Variants in ESRRG observed in about 807,000 individuals in gnomAD.
ESRRG encodes the protein estrogen-related receptor gamma.
A neutral mutation model predicts 44.0 loss-of-function variants in ESRRG; 13 were observed. That is an observed-to-expected ratio of 0.30 (90% CI 0.19 to 0.47). The LOEUF is 0.47. ESRRG is among the 20% of genes least tolerant of loss of function. The pLI, the probability that ESRRG is intolerant of heterozygous loss-of-function variation, is 1.00. For synonymous variants in ESRRG, 215 were observed against 214.6 expected (o/e 1.00, Z -0.02); for missense variants, 395 against 580.6 (o/e 0.68, Z 3.29).
chr1:216,569,759 C>T (rs1015182451), intron 3 of ESRRG, among the ~76,000 whole-genome samples: 1 of 152,172 alleles, frequency 6.6e-6, no homozygotes, highest in East Asian at 1.9e-4. Context: ...CATATTTTGG[C>T]ATGTCTCAAA....
At chr1:216,975,892 A>T (rs2072773157) in intron 1 of ESRRG, among the ~76,000 whole-genome samples, 1 of 152,188 alleles carries the variant, frequency 6.6e-6, no homozygotes, top group Non-Finnish European at 1.5e-5. Flanking sequence ...ATCCCAGGAC[A>T]AATCATTTTA....
At chr1:216,789,307 C>G (rs2148045964) in intron 2 of ESRRG, among the ~76,000 whole-genome samples, 1 of 152,260 alleles carries the variant, frequency 6.6e-6, no homozygotes, top group Admixed American at 6.5e-5. Flanking sequence ...CCATGCTGAT[C>G]AGTCAGCAGC....
intron 1 of ESRRG, among the ~76,000 whole-genome samples, chr1:217,034,467 G>A (rs1376693670): frequency 6.6e-6 from 1 of 152,044 alleles, no homozygotes; most frequent in African/African-American, 2.4e-5. Context: ...GGTCTAGCTC[G>A]GATAGGCCCG....
intron 1 of ESRRG, among the ~76,000 whole-genome samples, chr1:216,988,923 G>C (rs1413967299): frequency 6.6e-6 from 1 of 152,148 alleles, no homozygotes; most frequent in Non-Finnish European, 1.5e-5. Flanking sequence ...AGTACTTCAA[G>C]TTTTCCAGTC....
intron 1 of ESRRG, among the ~76,000 whole-genome samples, chr1:216,978,182 G>T (rs548742781): frequency 8.5e-5 from 13 of 152,228 alleles, no homozygotes; most frequent in African/African-American, 2.6e-4. Flanking sequence ...ATGACTTCTG[G>T]TGGGCCAAAT....
rs552067133 is a variant in ESRRG at position 216,898,433 on chromosome 1, C to T, written c.-14+41149G>A. 6.6e-5 allele frequency among the ~76,000 whole-genome samples: 10 copies of T among 152,192 alleles called. No individual in the cohort carries two copies. In the South Asian group the frequency reaches 2.1e-3, roughly 32 times the overall value. ...AGGAGCTCGAGACCAGCCTGGCCAA[C>T]ATGGTGAAAACCCATCTCTACTAAA... On this transcript the variant is annotated intron_variant, in intron 2 of 7. Transcript: ENST00000359162.
At chr1:216,812,892 C>A (rs1343486903) in intron 2 of ESRRG, among the ~76,000 whole-genome samples, 2 of 152,152 alleles carry the variant, frequency 1.3e-5, no homozygotes, top group Non-Finnish European at 2.9e-5. Flanking sequence ...TGCCATATAG[C>A]AATGAGGATA....
intron 1 of ESRRG, among the ~76,000 whole-genome samples, chr1:217,061,531 G>A (rs2088499381): frequency 6.6e-6 from 1 of 152,048 alleles, no homozygotes; most frequent in Admixed American, 6.6e-5. Context: ...TATAGAAGAG[G>A]TAAGCCCAAA....
At chr1:217,068,845 C>A (rs1051704532) in intron 1 of ESRRG, among the ~76,000 whole-genome samples, 2 of 152,204 alleles carry the variant, frequency 1.3e-5, no homozygotes, top group Admixed American at 6.5e-5. Flanking sequence ...TCCCTTCTAG[C>A]ATTAAAATAC....
At chr1:216,750,776 A>C (rs78812130) in intron 2 of ESRRG, among the ~76,000 whole-genome samples, 1 of 151,960 alleles carries the variant, frequency 6.6e-6, no homozygotes, top group Non-Finnish European at 1.5e-5. Flanking sequence ...TTAAAAAAAA[A>C]CTCAAAGCCA....
At chr1:217,090,387 A>C (rs2092318983), upstream of ESRRG, 1 of 152,064 alleles carries the variant, frequency 6.6e-6, no homozygotes, top group Non-Finnish European at 1.5e-5. Flanking sequence ...AAACCTACCC[A>C]ACCCACCTCC....
intron 3 of ESRRG, among the ~76,000 whole-genome samples, chr1:216,569,635 G>A (rs1163628552): frequency 6.6e-6 from 1 of 152,152 alleles, no homozygotes; most frequent in African/African-American, 2.4e-5. Flanking sequence ...ATATAAGGAC[G>A]ACTGCTTGGG....
At chr1:217,026,888 T>TGCACACACAC (rs2081253802) in intron 1 of ESRRG, among the ~76,000 whole-genome samples, 1 of 105,328 alleles carries the variant, frequency 9.5e-6, no homozygotes, top group Non-Finnish European at 1.9e-5. Context: ...CACACACACA[T>TGCACACACAC]ACACACACAC....
chr1:216,604,715 A>G (rs2059697236), intron 3 of ESRRG, among the ~76,000 whole-genome samples: 2 of 152,162 alleles, frequency 1.3e-5, no homozygotes, highest in Non-Finnish European at 2.9e-5. Flanking sequence ...TGATCCAATA[A>G]TCTGTTGCTA....
chr1:216,817,952 G>A (rs1250505432), intron 2 of ESRRG, among the ~76,000 whole-genome samples: 1 of 151,814 alleles, frequency 6.6e-6, no homozygotes, highest in East Asian at 1.9e-4. Context: ...TGCATATGAG[G>A]TCTGACTGTA....
chr1:217,032,475 A>G (rs1451505013), intron 1 of ESRRG, among the ~76,000 whole-genome samples: 3 of 152,184 alleles, frequency 2.0e-5, no homozygotes, highest in African/African-American at 7.2e-5. Context: ...CTAGACAACA[A>G]TTGTCCATAA....
intron 3 of ESRRG, among the ~76,000 whole-genome samples, chr1:216,636,118 T>C (rs1438019942): frequency 2.6e-5 from 4 of 152,210 alleles, no homozygotes; most frequent in Non-Finnish European, 4.4e-5. Flanking sequence ...ATAAAGAATC[T>C]TGCCAGTAAT....
At chr1:216,754,610 G>T (rs1432107468) in intron 2 of ESRRG, among the ~76,000 whole-genome samples, 3 of 151,700 alleles carry the variant, frequency 2.0e-5, no homozygotes, top group Non-Finnish European at 2.9e-5. Context: ...TCATTCAGCC[G>T]CCGGGCTCTA....
chr1:216,725,961 CA>C (rs2087438506), upstream of ESRRG, among the ~76,000 whole-genome samples: 1 of 152,152 alleles, frequency 6.6e-6, no homozygotes, highest in South Asian at 2.1e-4. Flanking sequence ...AAATGTCGTA[CA>C]AGTGATCTTT....
Sources: allele counts gnomAD v4.1 joint callset (sites outside exome capture counted in the v4.1 genomes callset), GRCh38; gene constraint gnomAD v4.1.1; transcripts MANE v1.5; gene names NCBI Gene and HGNC (gene_info 2026-07-23, HGNC 2026-07-21).